Variants in INVS observed in about 807,000 individuals in gnomAD.
The protein encoded by INVS is inversion of embryo turning homolog.
INVS carries 86 observed loss-of-function variants against 108.8 expected under a neutral mutation model. That is an observed-to-expected ratio of 0.79 (90% CI 0.66 to 0.95). The LOEUF (loss-of-function observed/expected upper bound fraction) is 0.95, where lower values mean the gene tolerates loss of function less well. Ranked by LOEUF, INVS falls within the 40% of genes least tolerant of loss-of-function variation. The pLI is 0.00. For synonymous variants in INVS, 455 were observed against 473.5 expected, an observed-to-expected ratio of 0.96 and a Z score of 0.51; for missense variants, 1,169 against 1,297.4, an observed-to-expected ratio of 0.90 and a Z score of 1.52.
intron 2 of INVS, among the ~76,000 whole-genome samples, chr9:100,124,844 A>G (rs775083441): frequency 3.3e-5 from 5 of 152,176 alleles, no homozygotes; most frequent in Non-Finnish European, 7.3e-5. Context: ...CTGTATTATG[A>G]GACTCTGGAT....
intron 3 of INVS, among the ~76,000 whole-genome samples, chr9:100,206,090 C>T (rs1466534310): frequency 6.6e-6 from 1 of 152,030 alleles, no homozygotes; most frequent in Non-Finnish European, 1.5e-5. Flanking sequence ...TATATTTCCT[C>T]ATCTAAGTAG....
At chr9:100,265,315 G>A (rs1327639586) in intron 11 of INVS, among the ~76,000 whole-genome samples, 1 of 151,934 alleles carries the variant, frequency 6.6e-6, no homozygotes, top group Non-Finnish European at 1.5e-5. Flanking sequence ...TAAATCTCAA[G>A]GTTAGATATT....
chr9:100,119,148 A>G (rs183322471), intron 2 of INVS, among the ~76,000 whole-genome samples: 119 of 152,334 alleles, frequency 7.8e-4, no homozygotes, highest in Non-Finnish European at 1.6e-3. Flanking sequence ...CCTTGATATC[A>G]TACAATGTGA....
At chr9:100,210,525 C>G (rs1211627303) in intron 3 of INVS, among the ~76,000 whole-genome samples, 1 of 152,182 alleles carries the variant, frequency 6.6e-6, no homozygotes, top group African/African-American at 2.4e-5. Context: ...CCATCTCTTT[C>G]ATGAAGTCAT....
chr9:100,278,867 C>G (rs1338123), intron 12 of INVS, among the ~76,000 whole-genome samples: 50,965 of 152,062 alleles, frequency 0.34, 9,222 homozygotes, highest in Non-Finnish European at 0.42. Flanking sequence ...GAATATTGGT[C>G]ATGAGAAAAT....
intron 14 of INVS, among the ~76,000 whole-genome samples, chr9:100,293,417 A>C (rs139160436): frequency 3.9e-5 from 6 of 152,302 alleles, no homozygotes; most frequent in African/African-American, 1.2e-4. Context: ...TAATTGTTGC[A>C]CATGTCCTGT....
intron 16 of INVS, chr9:100,298,228 A>G: frequency 6.9e-7 from 1 of 1,446,534 alleles, no homozygotes; most frequent in Non-Finnish European, 9.1e-7. Context: ...TAACTCCAAC[A>G]GAAATAAATG....
intron 3 of INVS, among the ~76,000 whole-genome samples, chr9:100,221,208 C>T (rs1831137567): frequency 6.6e-6 from 1 of 152,140 alleles, no homozygotes; most frequent in African/African-American, 2.4e-5. Context: ...GTATCTTCCT[C>T]TGTTCCATTG....
intron 3 of INVS, among the ~76,000 whole-genome samples, chr9:100,173,977 C>T (rs1193917618): frequency 6.6e-6 from 1 of 152,088 alleles, no homozygotes; most frequent in Non-Finnish European, 1.5e-5. Flanking sequence ...CCTGCTAAAA[C>T]AAAAAATGAA....
chr9:100,204,080 A>G (rs948329564), intron 3 of INVS, among the ~76,000 whole-genome samples: 1 of 152,194 alleles, frequency 6.6e-6, no homozygotes, highest in African/African-American at 2.4e-5. Context: ...TATAACTTAA[A>G]TGAATTTCCT....
intron 3 of INVS, chr9:100,175,934 G>A: frequency 3.5e-6 from 2 of 579,498 alleles, no homozygotes; most frequent in Non-Finnish European, 6.6e-6. Flanking sequence ...CTTGGAGGCT[G>A]CCTTGGAAAC....
intron 3 of INVS, among the ~76,000 whole-genome samples, chr9:100,151,646 G>A (rs1828811414): frequency 6.6e-6 from 1 of 152,158 alleles, no homozygotes; most frequent in Non-Finnish European, 1.5e-5. Flanking sequence ...GAGGAAAGAC[G>A]TGACATGGTC....
chr9:100,208,422 A>G (rs1246008595), intron 3 of INVS, among the ~76,000 whole-genome samples: 1 of 152,202 alleles, frequency 6.6e-6, no homozygotes, highest in African/African-American at 2.4e-5. Flanking sequence ...AATCGAATTT[A>G]CTTACACATT....
intron 2 of INVS, among the ~76,000 whole-genome samples, chr9:100,107,977 A>G (rs1364626831): frequency 6.6e-6 from 1 of 152,192 alleles, no homozygotes; most frequent in East Asian, 1.9e-4. Flanking sequence ...GCCAGGACTA[A>G]AAATGAATTG....
intron 3 of INVS, among the ~76,000 whole-genome samples, chr9:100,142,272 C>A (rs948895024): frequency 6.6e-6 from 1 of 152,230 alleles, no homozygotes; most frequent in African/African-American, 2.4e-5. Flanking sequence ...TAAATATTGA[C>A]GCATAGTCCT....
chr9:100,217,077 G>A (rs909371326), intron 3 of INVS, among the ~76,000 whole-genome samples: 11 of 152,166 alleles, frequency 7.2e-5, no homozygotes, highest in Non-Finnish European at 1.3e-4. Flanking sequence ...GAGAGGCCGA[G>A]GTGAGTAGAT....
intron 3 of INVS, among the ~76,000 whole-genome samples, chr9:100,193,612 C>G (rs1169696762): frequency 1.3e-5 from 2 of 152,120 alleles, no homozygotes; most frequent in Admixed American, 6.6e-5. Context: ...CCCTCCCTCC[C>G]CAAGCAACCA....
intron 3 of INVS, chr9:100,215,317 AC>A (rs557843216): frequency 1.5e-3 from 222 of 152,378 alleles, no homozygotes; most frequent in African/African-American, 5.2e-3. Context: ...AAGCAAGATA[AC>A]CAGGGTTGGG....
Position 100,297,049 on chromosome 9 carries a change from C to G in INVS, c.2919C>G (p.Phe973Leu). The G allele has an allele frequency of 6.2e-7, 1 of 1,613,964 alleles. No homozygotes were observed. The highest frequency in any genetic ancestry group is 8.5e-7 in the Non-Finnish European group (1 of 1,179,994). The change falls in exon 15 of 17, where the codon TTC becomes TTG. Residue 973 changes from phenylalanine to leucine, a missense_variant. Around this residue, in one of 3 missense-constraint regions of INVS, gnomAD observed 533 missense variants for 536.0 expected, o/e 0.99. Coordinates refer to ENST00000262457, the MANE Select transcript of INVS (RefSeq NM_014425.5). ...GGAGGAAGGAACTGGAACTAAAATT[C>G]CCCCAAACCACTGCAGTAAGCAAGG... ...QVWRKELELK[F>L]PQTTAVSKAP...
Sources: gnomAD v4.1 joint callset for allele counts (sites outside exome capture counted in the v4.1 genomes callset) on GRCh38, gnomAD v4.1.1 for gene constraint, gnomAD v4.1.1 regional missense constraint, MANE v1.5 for transcripts, NCBI Gene and HGNC (gene_info 2026-07-23, HGNC 2026-07-21) for gene names.